Variants in SPTBN1 observed in about 807,000 individuals in gnomAD.
SPTBN1 encodes spectrin beta, non-erythrocytic 1, also known as spectrin beta chain, non-erythrocytic 1.
A neutral mutation model predicts 266.4 loss-of-function variants in SPTBN1; 32 were observed. The observed-to-expected ratio is 0.12, with a 90% CI of 0.09 to 0.16. The LOEUF (loss-of-function observed/expected upper bound fraction) is 0.16, where lower values mean the gene tolerates loss of function less well. SPTBN1 is among the 10% of genes least tolerant of loss of function. SPTBN1 has a pLI of 1.00. For synonymous variants in SPTBN1, 1,336 were observed against 1,162.2 expected (o/e 1.15, Z -3.04); for missense variants, 2,296 against 3,067.1 (o/e 0.75, Z 5.94).
intron 32 of SPTBN1, chr2:54,660,983 A>C: frequency 1.0e-6 from 1 of 985,408 alleles, no homozygotes; most frequent in African/African-American, 1.7e-5. Context: ...AACAGAAGCC[A>C]TTGTGGTTCA....
At chr2:54,559,988 C>T (rs1422799825) in intron 2 of SPTBN1, among the ~76,000 whole-genome samples, 10 of 152,152 alleles carry the variant, frequency 6.6e-5, no homozygotes, top group African/African-American at 2.4e-4. Flanking sequence ...GAAAACGAGG[C>T]AGAACAGGAC....
intron 2 of SPTBN1, among the ~76,000 whole-genome samples, chr2:54,552,348 ATAAATTATCT>A (rs1672621506): frequency 6.6e-6 from 1 of 152,166 alleles, no homozygotes; most frequent in Non-Finnish European, 1.5e-5. Flanking sequence ...GAGATAATTT[ATAAATTATCT>A]CAACCTCTGT....
At chr2:54,508,377 A>G (rs988007365) in intron 1 of SPTBN1, among the ~76,000 whole-genome samples, 1 of 152,160 alleles carries the variant, frequency 6.6e-6, no homozygotes, top group Non-Finnish European at 1.5e-5. Context: ...GGGCGGGGCA[A>G]ATCCCCGAGC....
chr2:54,473,731 A>AT (rs1478607315), intron 1 of SPTBN1, among the ~76,000 whole-genome samples: 2 of 152,228 alleles, frequency 1.3e-5, no homozygotes, highest in Non-Finnish European at 2.9e-5. Flanking sequence ...TCAGTCATTC[A>AT]TTATACGATA....
intron 27 of SPTBN1, 141 bp from the exon 28 acceptor site, chr2:54,654,929 T>C: frequency 8.2e-7 from 1 of 1,218,484 alleles, no homozygotes; most frequent in African/African-American, 1.6e-5. Context: ...CAGCCTAAGC[T>C]CAGGGAGTGA....
chr2:54,582,368 G>GT (rs1674989501), intron 2 of SPTBN1, among the ~76,000 whole-genome samples: 1 of 151,998 alleles, frequency 6.6e-6, no homozygotes, highest in African/African-American at 2.4e-5. Context: ...CTCCTCCCAG[G>GT]TGTCAGGCAG....
chr2:54,581,577 CTTTTT>C lies in SPTBN1; in HGVS notation c.149-17496_149-17492del, dbSNP rs70944181. Among the ~76,000 whole-genome samples the C allele has an allele frequency of 5.9e-3, 608 of 102,674 alleles. 7 individuals are homozygous for C. Among genetic ancestry groups the C allele is most frequent in the African/African-American group, 0.023 (563 of 24,428 alleles). The allele number at this position is 102,674 out of a possible 152,430, so 67.4% of individuals were successfully genotyped here. ...GCCTTCATGCTTTGGTTTCTTTGCC[CTTTTT>C]TTTTTTTTTTTTTTTTTTGAAACTT... On this transcript the variant is annotated intron_variant, in intron 2 of 35. Transcript: ENST00000356805.
chr2:54,457,261 C>T (rs76070960), intron 1 of SPTBN1: 27,069 of 151,902 alleles, frequency 0.18, 2,516 homozygotes, highest in East Asian at 0.28. Context: ...GCCACCCTCT[C>T]TTCAACAGGT....
At position 54,456,469 on chromosome 2, in the gene SPTBN1, A is replaced by G. The variant is rs1391129160; in HGVS notation, c.-97A>G. On this transcript the variant is annotated 5_prime_UTR_variant, in exon 1 of 36. Transcript: ENST00000356805. ...TCCCGGCCCACCCGCCCGGCCGCCG[A>G]GGAGCGGGAGGAGGACGGGACCCCG... is the stretch of plus-strand genomic sequence containing the variant. The G allele has an allele frequency of 1.3e-5, 2 of 150,954 alleles. No homozygotes were observed. The highest frequency in any genetic ancestry group is 3.0e-5 in the Non-Finnish European group (2 of 67,674). The allele number at this position is 150,954 out of a possible 1,614,324, so 9.4% of individuals were successfully genotyped here.
intron 1 of SPTBN1, among the ~76,000 whole-genome samples, chr2:54,496,850 A>G (rs781761540): frequency 1.3e-4 from 20 of 152,210 alleles, no homozygotes; most frequent in Non-Finnish European, 5.9e-5. Flanking sequence ...TAGAAAATTT[A>G]TCCTATGAAG....
At chr2:54,582,305 G>T (rs1012509251) in intron 2 of SPTBN1, among the ~76,000 whole-genome samples, 1 of 151,868 alleles carries the variant, frequency 6.6e-6, no homozygotes, top group African/African-American at 2.4e-5. Context: ...TCTTGGTTCT[G>T]GTCTGGTGGT....
At chr2:54,615,178 C>G (rs1677518440) in intron 4 of SPTBN1, among the ~76,000 whole-genome samples, 1 of 151,872 alleles carries the variant, frequency 6.6e-6, no homozygotes. Context: ...GGTGTTTTTC[C>G]TAGTTGAAAG....
At chr2:54,659,352 C>G in intron 31 of SPTBN1, 86 bp downstream of exon 31, 1 of 1,300,312 alleles carries the variant, frequency 7.7e-7, no homozygotes, top group Non-Finnish European at 1.1e-6. Context: ...CCTTGCATTG[C>G]TAGGCCTAAC....
intron 3 of SPTBN1, among the ~76,000 whole-genome samples, chr2:54,600,393 T>G (rs114697876): frequency 1.3e-5 from 2 of 152,156 alleles, no homozygotes; most frequent in African/African-American, 4.8e-5. Context: ...GTAGGTCTTG[T>G]GGCCTCATTT....
chr2:54,478,383 C>T (rs565381278), intron 1 of SPTBN1, among the ~76,000 whole-genome samples: 1 of 152,272 alleles, frequency 6.6e-6, no homozygotes, highest in African/African-American at 2.4e-5. Context: ...ATGGGCCACC[C>T]TCTGGACCTG....
chr2:54,627,942 T>G (rs1294008203), intron 12 of SPTBN1, among the ~76,000 whole-genome samples, 155 bp from the exon 13 acceptor site: 1 of 152,160 alleles, frequency 6.6e-6, no homozygotes, highest in Non-Finnish European at 1.5e-5. Context: ...TGTTCTGGTT[T>G]GTTGGCCATC....
At chr2:54,489,256 G>A (rs1254803787) in intron 1 of SPTBN1, among the ~76,000 whole-genome samples, 1 of 151,556 alleles carries the variant, frequency 6.6e-6, no homozygotes, top group Non-Finnish European at 1.5e-5. Flanking sequence ...AGGAAGTTGA[G>A]GCTATAGTGA....
chr2:54,458,689 C>T (rs1228749713), intron 1 of SPTBN1, among the ~76,000 whole-genome samples: 11 of 152,074 alleles, frequency 7.2e-5, no homozygotes, highest in African/African-American at 2.4e-4. Context: ...CAGGGAATTT[C>T]CCTTCTAAAT....
At chr2:54,572,403 C>T (rs558476150) in intron 2 of SPTBN1, among the ~76,000 whole-genome samples, 26 of 152,238 alleles carry the variant, frequency 1.7e-4, no homozygotes, top group Middle Eastern at 3.4e-3. Context: ...GACCATAAAA[C>T]GAACACAGCT....
Sources: allele counts gnomAD v4.1 joint callset (sites outside exome capture counted in the v4.1 genomes callset), GRCh38; gene constraint gnomAD v4.1.1; transcripts MANE v1.5; gene names NCBI Gene and HGNC (gene_info 2026-07-23, HGNC 2026-07-21).